The following TAB2 variants were observed in gnomAD, a reference collection of about 807,000 sequenced individuals.
The protein encoded by TAB2 is TGF-beta activated kinase 1 (MAP3K7) binding protein 2.
In TAB2, 3 loss-of-function variants were observed where a neutral mutation model predicts 65.0. The ratio of observed to expected loss-of-function variants is 0.05; its 90% CI spans 0.02 to 0.12. TAB2 has a LOEUF of 0.12. TAB2 is among the 10% of genes least tolerant of loss of function. The probability of loss-of-function intolerance (pLI) is 1.00; values close to 1 mark genes in which losing one functional copy is unlikely to be tolerated. For synonymous variants in TAB2, 298 were observed against 285.1 expected, an observed-to-expected ratio of 1.05 and a Z score of -0.46; for missense variants, 623 against 840.3, an observed-to-expected ratio of 0.74 and a Z score of 3.20.
intron 1 of TAB2, among the ~76,000 whole-genome samples, chr6:149,295,018 T>G (rs537767511): frequency 2.7e-4 from 41 of 152,354 alleles, no homozygotes; most frequent in Non-Finnish European, 4.7e-4. Flanking sequence ...ATTTCTTCTT[T>G]CCAGTCATTT....
chr6:149,379,253 C>T lies in TAB2; in HGVS notation c.1338C>T (p.Asn446=). 6.2e-7 allele frequency: 1 copy of T among 1,614,196 alleles called. No homozygotes were observed. Among genetic ancestry groups the T allele is most frequent in the Middle Eastern group, 1.6e-4 (1 of 6,062 alleles). ...HPPKSRAIGN[N]SATSPRVVVT... ...CCAAAAGTCGAGCAATAGGCAATAACTCTGCAACCTCTCCTCGAGTGGTAG... is the reference window on the plus strand; with the variant it reads ...CCAAAAGTCGAGCAATAGGCAATAATTCTGCAACCTCTCCTCGAGTGGTAG... The change falls in exon 3 of 7, where the codon AAC becomes AAT. Residue 446 remains asparagine (N), a synonymous_variant. Coordinates refer to ENST00000637181, the MANE Select transcript of TAB2 (RefSeq NM_001292034.3).
intron 1 of TAB2, among the ~76,000 whole-genome samples, chr6:149,275,307 A>AG (rs1778450608): frequency 2.0e-5 from 3 of 151,956 alleles, no homozygotes; most frequent in Non-Finnish European, 2.9e-5. Flanking sequence ...AAAGAGAAAA[A>AG]AGAAAAGAGC....
At chr6:149,283,792 G>T (rs1184356530) in intron 1 of TAB2, among the ~76,000 whole-genome samples, 1 of 152,100 alleles carries the variant, frequency 6.6e-6, no homozygotes, top group Non-Finnish European at 1.5e-5. Context: ...ACAATATAGA[G>T]TTGAATAGGG....
intron 1 of TAB2, among the ~76,000 whole-genome samples, chr6:149,236,077 A>G (rs6907745): frequency 0.26 from 39,791 of 152,088 alleles, 5,955 homozygotes; most frequent in African/African-American, 0.4. Flanking sequence ...ATTGGAGACT[A>G]CAAAGGGTGG....
At position 149,379,936 on chromosome 6, in the gene TAB2, A is replaced by G. The variant is rs1428706116; in HGVS notation, c.1603+418A>G. On this transcript the variant is annotated intron_variant, in intron 3 of 6. Transcript: ENST00000637181. ...GTAAATTTGCCTTCTTTGACCAGAT[A>G]TTTGAAGAATAAGTAATTCTTGGCT... 5 of 455,350 alleles carry G rather than the reference A, an allele frequency of 1.1e-5. No individual in the cohort carries two copies. In the Admixed American group the frequency reaches 1.2e-4, roughly 11 times the overall value. 28.2% of individuals were successfully genotyped at this position (455,350 alleles called of 1,614,324 possible). A position where few individuals can be genotyped will look rare whatever the true frequency, so the allele number is the denominator to read the frequency against.
intron 3 of TAB2, among the ~76,000 whole-genome samples, chr6:149,387,425 C>T (rs1409459288): frequency 2.0e-5 from 3 of 152,060 alleles, no homozygotes; most frequent in Admixed American, 6.6e-5. Flanking sequence ...ACCATAAATG[C>T]GTGGGTTCAT....
intron 1 of TAB2, among the ~76,000 whole-genome samples, chr6:149,257,087 G>A (rs926515840): frequency 1.3e-5 from 2 of 152,208 alleles, no homozygotes; most frequent in African/African-American, 4.8e-5. Flanking sequence ...AGTCAGAGTG[G>A]TTGGTTAGCT....
At chr6:149,266,555 A>G (rs1778268823) in intron 1 of TAB2, among the ~76,000 whole-genome samples, 1 of 152,196 alleles carries the variant, frequency 6.6e-6, no homozygotes, top group Non-Finnish European at 1.5e-5. Context: ...CCAAATTCAC[A>G]TCATCTAACA....
chr6:149,293,536 A>G (rs1778817797), intron 1 of TAB2, among the ~76,000 whole-genome samples: 1 of 152,214 alleles, frequency 6.6e-6, no homozygotes, highest in Non-Finnish European at 1.5e-5. Context: ...GCACATTCCA[A>G]TAGCATTTTC....
intron 1 of TAB2, among the ~76,000 whole-genome samples, chr6:149,355,786 G>T (rs992645856): frequency 4.6e-5 from 7 of 151,882 alleles, no homozygotes; most frequent in Non-Finnish European, 7.4e-5. Flanking sequence ...CTGTTTACCT[G>T]TGTGCTTCCT....
chr6:149,308,860 T>C (rs954076971), intron 1 of TAB2, among the ~76,000 whole-genome samples: 4 of 152,124 alleles, frequency 2.6e-5, no homozygotes, highest in Admixed American at 2.0e-4. Flanking sequence ...CTGTGCCTTG[T>C]GGGGTTTTTC....
chr6:149,219,306 TTGTGTGTGTGTGTGTG>T (rs3064238), intron 1 of TAB2, among the ~76,000 whole-genome samples: 10 of 146,112 alleles, frequency 6.8e-5, no homozygotes, highest in Non-Finnish European at 1.1e-4. Context: ...ATTTTAACAT[TTGTGTGTGTGTGTGTG>T]TGTGTGTGTG....
chr6:149,389,862 C>T (rs1405867085), intron 3 of TAB2, among the ~76,000 whole-genome samples: 2 of 152,090 alleles, frequency 1.3e-5, no homozygotes, highest in Non-Finnish European at 2.9e-5. Context: ...AAATTATTAT[C>T]TAGCAAGAGG....
intron 1 of TAB2, among the ~76,000 whole-genome samples, chr6:149,236,384 T>A (rs572723741): frequency 6.6e-6 from 1 of 152,336 alleles, no homozygotes; most frequent in East Asian, 1.9e-4. Flanking sequence ...CTTGGGAACA[T>A]GTCAGAATCA....
At chr6:149,252,747 C>T (rs958449168) in intron 1 of TAB2, among the ~76,000 whole-genome samples, 6 of 152,184 alleles carry the variant, frequency 3.9e-5, no homozygotes, top group African/African-American at 1.4e-4. Context: ...TGTTGGAGTT[C>T]CTCCACTCAC....
intron 1 of TAB2, among the ~76,000 whole-genome samples, chr6:149,228,223 TTTCTC>T (rs1270914182): frequency 1.5e-4 from 23 of 152,286 alleles, no homozygotes; most frequent in African/African-American, 5.5e-4. Context: ...TACAACAACT[TTTCTC>T]TTAAATTAAG....
intron 2 of TAB2, among the ~76,000 whole-genome samples, chr6:149,377,510 T>A (rs1781444979): frequency 6.6e-6 from 1 of 152,206 alleles, no homozygotes; most frequent in Non-Finnish European, 1.5e-5. Context: ...ATGACTGGTA[T>A]GAATTTCAGA....
At chr6:149,376,131 A>G (rs1781388564) in intron 2 of TAB2, among the ~76,000 whole-genome samples, 1 of 152,138 alleles carries the variant, frequency 6.6e-6, no homozygotes, top group Admixed American at 6.5e-5. Context: ...TTGTGGCCAA[A>G]TTGTGTTGAC....
chr6:149,401,658 A>AG (rs1213059801), intron 6 of TAB2, among the ~76,000 whole-genome samples: 2 of 152,186 alleles, frequency 1.3e-5, no homozygotes, highest in African/African-American at 4.8e-5. Flanking sequence ...AAATGAATAA[A>AG]GAAACAGCTG....
Sources: allele counts gnomAD v4.1 joint callset (sites outside exome capture counted in the v4.1 genomes callset), GRCh38; gene constraint gnomAD v4.1.1; transcripts MANE v1.5; gene names NCBI Gene and HGNC (gene_info 2026-07-23, HGNC 2026-07-21).